Variants in DLGAP2 observed in about 807,000 individuals in gnomAD.
The protein encoded by DLGAP2 is disks large-associated protein 2.
In DLGAP2, 26 loss-of-function variants were observed where a neutral mutation model predicts 100.3. The ratio of observed to expected loss-of-function variants is 0.26; its 90% confidence interval spans 0.19 to 0.36. The LOEUF is 0.36. DLGAP2 is among the 10% of genes least tolerant of loss of function. DLGAP2 has a pLI of 1.00. For missense variants in DLGAP2, 1,858 were observed against 1,453.2 expected (o/e 1.28, Z -4.53); for synonymous variants, 886 against 630.1 (o/e 1.41, Z -6.08).
intron 2 of DLGAP2, among the ~76,000 whole-genome samples, chr8:944,332 T>C (rs566119774): frequency 6.6e-6 from 1 of 151,844 alleles, no homozygotes; most frequent in African/African-American, 2.4e-5. Flanking sequence ...TCCATGTGGG[T>C]GATCCAGTGG....
chr8:1,522,534 T>A (rs924216810), intron 4 of DLGAP2, among the ~76,000 whole-genome samples: 3 of 152,218 alleles, frequency 2.0e-5, no homozygotes, highest in Non-Finnish European at 4.4e-5. Flanking sequence ...CCCCCGGCCA[T>A]CAGCAGATCC....
chr8:998,104 TACAC>T (rs905167995), intron 2 of DLGAP2, among the ~76,000 whole-genome samples: 2 of 152,072 alleles, frequency 1.3e-5, no homozygotes, highest in East Asian at 1.9e-4. Context: ...CACAGAAACA[TACAC>T]ACGTGTATGA....
chr8:871,293 C>T (rs527610440), intron 1 of DLGAP2, among the ~76,000 whole-genome samples: 1 of 152,234 alleles, frequency 6.6e-6, no homozygotes, highest in Non-Finnish European at 1.5e-5. Context: ...TATCTTCTGT[C>T]CAAACTGTTA....
intron 3 of DLGAP2, among the ~76,000 whole-genome samples, chr8:1,337,450 A>ATAATGGTGATGT (rs1563091537): frequency 9.8e-6 from 1 of 102,476 alleles, no homozygotes; most frequent in Admixed American, 1.2e-4. Flanking sequence ...GATGATGGTG[A>ATAATGGTGATGT]TGATGGTGAG....
intron 4 of DLGAP2, among the ~76,000 whole-genome samples, chr8:1,528,365 C>T (rs1800866948): frequency 6.6e-6 from 1 of 152,218 alleles, no homozygotes; most frequent in Non-Finnish European, 1.5e-5. Context: ...TGTTCCCACC[C>T]CAGTGCCAGG....
At chr8:797,673 G>A (rs2132649399) in intron 1 of DLGAP2, among the ~76,000 whole-genome samples, 1 of 152,276 alleles carries the variant, frequency 6.6e-6, no homozygotes, top group East Asian at 1.9e-4. Flanking sequence ...CTCCCACCAG[G>A]CAGGGCTGGG....
intron 3 of DLGAP2, among the ~76,000 whole-genome samples, chr8:1,306,006 C>T (rs1000728857): frequency 6.8e-6 from 1 of 146,142 alleles, no homozygotes; most frequent in Non-Finnish European, 1.5e-5. Flanking sequence ...TGCTGAATTC[C>T]TTTTTCAGAA....
rs1397429477 is a variant in DLGAP2 at position 1,310,017 on chromosome 8, C to T, written c.106+51134C>T. Among the ~76,000 whole-genome samples the T allele has an allele frequency of 3.4e-5, 5 of 146,978 alleles. No individual in the cohort carries two copies. The Admixed American group carries it at 3.4e-4, about 10-fold the overall frequency. Reference sequence around the variant, plus strand: ...GGCTGAGGCAGGAGAATCATTTGAACCACTGTATACCAGCCTGGGCTACAG... The same window carrying T: ...GGCTGAGGCAGGAGAATCATTTGAATCACTGTATACCAGCCTGGGCTACAG... On this transcript the variant is annotated intron_variant, in intron 3 of 14. Transcript: ENST00000637795.
Position 1,144,960 on chromosome 8 carries a change from C to G in DLGAP2, c.74-113891C>G, listed in dbSNP as rs1359376834. 2.0e-5 allele frequency among the ~76,000 whole-genome samples: 3 copies of G among 152,158 alleles called. No individual in the cohort carries two copies. The South Asian group carries it at 6.2e-4, about 32-fold the overall frequency. On this transcript the variant is annotated intron_variant, in intron 2 of 14. Transcript: ENST00000637795. ...AGACGGCCTGTACCCACAGTCAGAC[C>G]GCAGACGGCCTGTATGAACAGACAA...
chr8:1,013,373 G>A (rs920411732), intron 2 of DLGAP2, among the ~76,000 whole-genome samples: 4 of 152,168 alleles, frequency 2.6e-5, no homozygotes, highest in Non-Finnish European at 5.9e-5. Context: ...AGAGGGGAGA[G>A]CCTCACGCTT....
chr8:1,281,650 G>A (rs769570969), intron 3 of DLGAP2, among the ~76,000 whole-genome samples: 1 of 152,148 alleles, frequency 6.6e-6, no homozygotes, highest in African/African-American at 2.4e-5. Flanking sequence ...ACAATCAAGA[G>A]TACAGCACCA....
At chr8:1,380,230 C>G (rs367762602) in intron 3 of DLGAP2, 307 of 152,312 alleles carry the variant, frequency 2.0e-3, no homozygotes, top group African/African-American at 7.1e-3. Context: ...CTTCAGGCAG[C>G]AAAGCGCTTT....
chr8:863,641 T>C (rs1329813263), intron 1 of DLGAP2, among the ~76,000 whole-genome samples: 2 of 152,156 alleles, frequency 1.3e-5, no homozygotes, highest in African/African-American at 4.8e-5. Flanking sequence ...GCACCGCGGA[T>C]CATCGGGGAG....
At chr8:1,075,941 A>G (rs961490613) in intron 2 of DLGAP2, among the ~76,000 whole-genome samples, 1 of 152,060 alleles carries the variant, frequency 6.6e-6, no homozygotes, top group African/African-American at 2.4e-5. Context: ...AGACCCGAAA[A>G]ATCACAGGAT....
At chr8:1,651,826 A>T (rs1338589078) in intron 8 of DLGAP2, among the ~76,000 whole-genome samples, 1 of 152,186 alleles carries the variant, frequency 6.6e-6, no homozygotes, top group Non-Finnish European at 1.5e-5. Context: ...TTAAAAAAAA[A>T]CGAAGTGATG....
At chr8:1,217,675 A>G (rs1798240695) in intron 2 of DLGAP2, among the ~76,000 whole-genome samples, 1 of 152,180 alleles carries the variant, frequency 6.6e-6, no homozygotes, top group Admixed American at 6.5e-5. Context: ...CTATATTCCA[A>G]GGAATTTTAA....
chr8:969,760 A>C (rs1799968964), intron 2 of DLGAP2, among the ~76,000 whole-genome samples: 1 of 152,060 alleles, frequency 6.6e-6, no homozygotes, highest in Non-Finnish European at 1.5e-5. Context: ...GCCTGGTGGG[A>C]GAATTTACAC....
At chr8:1,511,318 T>C (rs1800152746) in intron 4 of DLGAP2, among the ~76,000 whole-genome samples, 1 of 150,248 alleles carries the variant, frequency 6.7e-6, no homozygotes, top group Non-Finnish European at 1.5e-5. Context: ...CTGTCTAGTG[T>C]AGGACAATCA....
intron 1 of DLGAP2, among the ~76,000 whole-genome samples, chr8:900,829 G>A (rs1179088935): frequency 6.6e-6 from 1 of 152,152 alleles, no homozygotes; most frequent in Non-Finnish European, 1.5e-5. Context: ...AAAACACAGA[G>A]AAACAGAAAA....
Sources: allele counts gnomAD v4.1 joint callset (sites outside exome capture counted in the v4.1 genomes callset), GRCh38; gene constraint gnomAD v4.1.1; transcripts MANE v1.5; gene names NCBI Gene and HGNC (gene_info 2026-07-23, HGNC 2026-07-21).